Variants in MAGI2 observed in about 807,000 individuals in gnomAD.
MAGI2 encodes the protein membrane associated guanylate kinase, WW and PDZ domain containing 2.
MAGI2 carries 35 observed loss-of-function variants against 133.3 expected under a neutral mutation model. The ratio of observed to expected loss-of-function variants is 0.26; its 90% confidence interval spans 0.20 to 0.35. MAGI2 has a LOEUF of 0.35. Ranked by LOEUF, MAGI2 falls within the 10% of genes least tolerant of loss-of-function variation. The pLI is 1.00. For missense variants in MAGI2, 1,636 were observed against 1,863.4 expected (o/e 0.88, Z 2.25); for synonymous variants, 729 against 710.6 (o/e 1.03, Z -0.41).
At chr7:78,481,937 T>A (rs955092787) in intron 6 of MAGI2, among the ~76,000 whole-genome samples, 2 of 151,894 alleles carry the variant, frequency 1.3e-5, no homozygotes, top group Non-Finnish European at 2.9e-5. Context: ...AAAATATTTA[T>A]CTGTAAAAGA....
chr7:78,636,433 A>AAT (rs1277440115), intron 2 of MAGI2, among the ~76,000 whole-genome samples: 1 of 150,928 alleles, frequency 6.6e-6, no homozygotes, highest in Non-Finnish European at 1.5e-5. Context: ...ATATGGCATC[A>AAT]ATTACTGTTT....
intron 1 of MAGI2, among the ~76,000 whole-genome samples, chr7:79,212,063 C>T (rs1829544684): frequency 6.6e-6 from 1 of 152,058 alleles, no homozygotes; most frequent in Admixed American, 6.5e-5. Context: ...ATTGTATTTT[C>T]TTGATTATTA....
intron 1 of MAGI2, among the ~76,000 whole-genome samples, chr7:79,408,485 GAAAA>G (rs997067696): frequency 6.6e-6 from 1 of 150,576 alleles, no homozygotes; most frequent in Non-Finnish European, 1.5e-5. Flanking sequence ...TAGGACAAAA[GAAAA>G]AAAAGAGAAG....
chr7:79,053,270 G>T (rs920272278), intron 1 of MAGI2, among the ~76,000 whole-genome samples: 3 of 152,082 alleles, frequency 2.0e-5, no homozygotes, highest in Non-Finnish European at 2.9e-5. Context: ...ACCCCACCCG[G>T]CTGCTATTCT....
chr7:78,564,974 T>C (rs1033621281), intron 3 of MAGI2, among the ~76,000 whole-genome samples: 1 of 151,496 alleles, frequency 6.6e-6, no homozygotes, highest in Non-Finnish European at 1.5e-5. Flanking sequence ...TTTGTGTTTT[T>C]AGTAGAGACG....
intron 7 of MAGI2, among the ~76,000 whole-genome samples, chr7:78,365,966 A>G (rs1241568212): frequency 6.6e-6 from 1 of 152,206 alleles, no homozygotes; most frequent in African/African-American, 2.4e-5. Context: ...TTGTTGGTCT[A>G]TCTGAAGAGA....
chr7:78,363,162 C>G (rs982675298), intron 7 of MAGI2, among the ~76,000 whole-genome samples: 1 of 152,152 alleles, frequency 6.6e-6, no homozygotes, highest in African/African-American at 2.4e-5. Flanking sequence ...AGGCTCAACG[C>G]CTTTGGAAGC....
At position 79,406,529 on chromosome 7, in the gene MAGI2, G is replaced by T. The variant is rs141528463; in HGVS notation, c.301+46491C>A. ...TAAATTGTCAGACACATTTAGAAAA[G>T]AATCTCTTCAAAGGTTGGGAGGCTG... On this transcript the variant is annotated intron_variant, in intron 1 of 21. Coordinates refer to ENST00000354212, the MANE Select transcript of MAGI2 (RefSeq NM_012301.4). Among the ~76,000 whole-genome samples, 37 of 152,182 alleles carry T rather than the reference G, an allele frequency of 2.4e-4. No homozygotes were observed. The East Asian group carries it at 6.2e-3, about 25-fold the overall frequency.
chr7:79,360,117 T>C (rs1842290372), intron 1 of MAGI2, among the ~76,000 whole-genome samples: 2 of 152,164 alleles, frequency 1.3e-5, no homozygotes, highest in African/African-American at 4.8e-5. Context: ...ACACAAGGTA[T>C]TCTACATTTT....
intron 1 of MAGI2, among the ~76,000 whole-genome samples, chr7:79,216,581 C>CA (rs1830051568): frequency 6.6e-6 from 1 of 151,938 alleles, no homozygotes; most frequent in African/African-American, 2.4e-5. Context: ...GTCCAGAGCC[C>CA]AAAAAAGCTT....
At chr7:78,847,867 G>A (rs1382431668) in intron 2 of MAGI2, among the ~76,000 whole-genome samples, 1 of 151,848 alleles carries the variant, frequency 6.6e-6, no homozygotes, top group Non-Finnish European at 1.5e-5. Flanking sequence ...TTGAAGGCAG[G>A]GGATTTTGTG....
At chr7:79,033,123 T>C (rs1810767002) in intron 1 of MAGI2, among the ~76,000 whole-genome samples, 1 of 152,170 alleles carries the variant, frequency 6.6e-6, no homozygotes. Flanking sequence ...ACTCTTCTTT[T>C]GCTTCTTCCC....
At chr7:79,062,382 C>A (rs1813842084) in intron 1 of MAGI2, among the ~76,000 whole-genome samples, 1 of 152,116 alleles carries the variant, frequency 6.6e-6, no homozygotes, top group Non-Finnish European at 1.5e-5. Context: ...ATGAACATTA[C>A]AGTGAAACTG....
chr7:78,940,944 A>G (rs960375048), intron 2 of MAGI2: 1 of 152,224 alleles, frequency 6.6e-6, no homozygotes, highest in African/African-American at 2.4e-5. Context: ...TCATTCGTAC[A>G]TAGAACTTTA....
intron 2 of MAGI2, among the ~76,000 whole-genome samples, chr7:78,627,545 T>C (rs1043028981): frequency 1.3e-5 from 2 of 152,200 alleles, no homozygotes; most frequent in African/African-American, 4.8e-5. Context: ...GGTTTGGATA[T>C]TGAGCCAGCA....
intron 1 of MAGI2, among the ~76,000 whole-genome samples, chr7:79,305,467 C>T (rs747066234): frequency 1.6e-4 from 25 of 152,166 alleles, no homozygotes; most frequent in Non-Finnish European, 8.8e-5. Flanking sequence ...ATTAATACCT[C>T]ATTCTTTCAC....
At chr7:79,166,639 C>CGTGG (rs1824946835) in intron 1 of MAGI2, among the ~76,000 whole-genome samples, 1 of 152,046 alleles carries the variant, frequency 6.6e-6, no homozygotes, top group Admixed American at 6.6e-5. Context: ...TCTAAAATTC[C>CGTGG]ACAATGTCTC....
chr7:78,745,277 A>G (rs1225449128), intron 2 of MAGI2, among the ~76,000 whole-genome samples: 1 of 152,214 alleles, frequency 6.6e-6, no homozygotes, highest in African/African-American at 2.4e-5. Flanking sequence ...TAAGCGGTAG[A>G]GCTCAGATTT....
chr7:78,793,045 A>G lies in MAGI2; in HGVS notation c.419-165806T>C, dbSNP rs149802996. On this transcript the variant is annotated intron_variant, in intron 2 of 21. Transcript: ENST00000354212. ...GGTACCCATGTTATTTGTTTTGGCT[A>G]AATGTATAAGCGTGGAAGTAAAACA... Among the ~76,000 whole-genome samples the G allele has an allele frequency of 1.0e-3, 159 of 152,324 alleles. 3 individuals carry two copies. The highest frequency in any genetic ancestry group is 1.6e-3 in the Admixed American group (25 of 15,298).
Sources: gnomAD v4.1 joint callset for allele counts (sites outside exome capture counted in the v4.1 genomes callset) on GRCh38, gnomAD v4.1.1 for gene constraint, MANE v1.5 for transcripts, NCBI Gene and HGNC (gene_info 2026-07-23, HGNC 2026-07-21) for gene names.